PITPNM3: variants seen among roughly 807,000 people sequenced by gnomAD.
PITPNM3 encodes PITPNM family member 3.
In PITPNM3, 26 loss-of-function variants were observed where a neutral mutation model predicts 102.0. That is an observed-to-expected ratio of 0.25 (90% CI 0.19 to 0.35). PITPNM3 has a LOEUF of 0.35. PITPNM3 is among the 10% of genes least tolerant of loss of function. The pLI, the probability that PITPNM3 is intolerant of heterozygous loss-of-function variation, is 1.00. For missense variants in PITPNM3, 1,083 were observed against 1,346.1 expected (o/e 0.80, Z 3.06); for synonymous variants, 578 against 558.6 (o/e 1.03, Z -0.49).
Position 6,481,832 on chromosome 17 carries a change from T to C in PITPNM3, c.587+1685A>G, listed in dbSNP as rs546784056. 3 of 132,802 alleles carry C rather than the reference T, an allele frequency of 2.3e-5. No individual in the cohort carries two copies. In the East Asian group the frequency reaches 6.9e-4, roughly 30 times the overall value. The allele number at this position is 132,802 out of a possible 1,614,324, so 8.2% of individuals were successfully genotyped here. On this transcript the variant is annotated intron_variant, in intron 6 of 19. Transcript: ENST00000262483. ...ATGGACGGATGGATGGATGAATAGA[T>C]AGATAAACAGAATAGAATGATAGAG...
chr17:6,487,214 T>A (rs1906149110), intron 4 of PITPNM3, among the ~76,000 whole-genome samples: 1 of 152,122 alleles, frequency 6.6e-6, no homozygotes, highest in Non-Finnish European at 1.5e-5. Flanking sequence ...TGAGTTCACA[T>A]CTTGGCTCTT....
rs145184461 is a variant in PITPNM3 at position 6,517,853 on chromosome 17, C to A, written c.226+7503G>T. On this transcript the variant is annotated intron_variant, in intron 3 of 19. Coordinates refer to ENST00000262483, the MANE Select transcript of PITPNM3 (RefSeq NM_031220.4). This position sits in a 1 kb window ranked among gnomAD's most constrained non-coding sequence, Gnocchi z 4.1. The stretch of plus-strand genomic sequence containing the variant: ...GGGATTACAGGCATGAGCCACTGTA[C>A]CTGGCCAAAAATACCAGTTTTCAAA... Among the ~76,000 whole-genome samples, 1 of 152,076 alleles carries A rather than the reference C, an allele frequency of 6.6e-6. No individual in the cohort carries two copies. The highest frequency in any genetic ancestry group is 6.5e-5 in the Admixed American group (1 of 15,280).
rs549638753 is a variant in PITPNM3 at position 6,473,775 on chromosome 17, G to A, written c.1258+657C>T. On this transcript the variant is annotated intron_variant, in intron 10 of 19. Coordinates refer to ENST00000262483, the MANE Select transcript of PITPNM3 (RefSeq NM_031220.4). ...GTGGATCACTTGAGGTCAGGAGTTC[G>A]AGACCAGCCTGGCCAACATGGTGAA... Among the ~76,000 whole-genome samples, 26 of 152,158 alleles carry A rather than the reference G, an allele frequency of 1.7e-4. No individual in the cohort carries two copies. The South Asian group carries it at 4.4e-3, about 25-fold the overall frequency.
At chr17:6,538,113 C>G (rs779183143) in intron 1 of PITPNM3, 31 bp from the exon 2 acceptor site, 3 of 1,525,258 alleles carry the variant, frequency 2.0e-6, no homozygotes, top group Non-Finnish European at 2.7e-6. Flanking sequence ...GTTAACCAAG[C>G]CTGAGATGTT....
rs531134490 is a variant in PITPNM3, at chr17:6,540,250, G to A, written c.23-2168C>T. On this transcript the variant is annotated intron_variant, in intron 1 of 19. Coordinates refer to ENST00000262483, the MANE Select transcript of PITPNM3 (RefSeq NM_031220.4). ...GTGTTGGGAACTGGGAACACTGTGG[G>A]GAATGGACAGGATTGGGTGCTCGCA... 1.1e-3 allele frequency among the ~76,000 whole-genome samples: 163 copies of A among 152,330 alleles called. 1 individual carries two copies. The highest frequency in any genetic ancestry group is 3.7e-3 in the African/African-American group (152 of 41,562).
chr17:6,503,282 G>T (rs1907292090), intron 4 of PITPNM3, among the ~76,000 whole-genome samples: 1 of 152,148 alleles, frequency 6.6e-6, no homozygotes, highest in Non-Finnish European at 1.5e-5. Context: ...CAGAGAGGGG[G>T]ACATGAGCTG....
In PITPNM3 at chr17:6,474,468, G is replaced by C. The variant is rs552192949; in HGVS notation, c.1222C>G (p.Leu408Val). The change falls in exon 10 of 20, where the codon CTG becomes GTG. Residue 408 changes from leucine (L) to valine (V), a missense_variant. Leu to Val is a conservative substitution (Grantham distance 32, BLOSUM62 1). Around this residue, in one of 5 missense-constraint regions of PITPNM3, gnomAD observed 410 missense variants for 638.4 expected, o/e 0.64. Transcript: ENST00000262483. ...GGCAGCACCGTCCTCCGCATGGCCA[G>C]GACCAGGCCCAGTGGCGAGCCGAAG... Reference protein sequence around the residue: ...FLFGSPLGLVLAMRRTVLPGL... With the variant: ...FLFGSPLGLVVAMRRTVLPGL... 6.2e-7 allele frequency: 1 copy of C among 1,613,608 alleles called. No individual in the cohort carries two copies. The highest frequency in any genetic ancestry group is 2.2e-5 in the East Asian group (1 of 44,886).
At chr17:6,520,705 C>T (rs1908457693) in intron 3 of PITPNM3, among the ~76,000 whole-genome samples, 1 of 152,208 alleles carries the variant, frequency 6.6e-6, no homozygotes, top group Admixed American at 6.5e-5. Flanking sequence ...CAGCATTATT[C>T]ATGGTAGCTA....
In PITPNM3 at chr17:6,556,469, G is replaced by A; in HGVS notation, c.-63C>T. ...CCTCGCGCTTCCCGGGCCCGGCCCCGACCGCCTCCGGCCCCGAACGGACTC... is the reference window on the plus strand; with the variant it reads ...CCTCGCGCTTCCCGGGCCCGGCCCCAACCGCCTCCGGCCCCGAACGGACTC... On this transcript the variant is annotated 5_prime_UTR_variant, in exon 1 of 20. Transcript: ENST00000262483. This position sits in a 1 kb window ranked among gnomAD's most constrained non-coding sequence, Gnocchi z 5.2. 9.1e-7 allele frequency: 1 copy of A among 1,104,432 alleles called. No homozygotes were observed. Among genetic ancestry groups the A allele is most frequent in the African/African-American group, 1.7e-5 (1 of 59,138 alleles). The allele number at this position is 1,104,432 out of a possible 1,614,324, so 68.4% of individuals were successfully genotyped here. A position where few individuals can be genotyped will look rare whatever the true frequency, so the allele number is the denominator to read the frequency against.
intron 4 of PITPNM3, among the ~76,000 whole-genome samples, chr17:6,490,636 A>G (rs1487401476): frequency 6.6e-6 from 1 of 151,986 alleles, no homozygotes; most frequent in Non-Finnish European, 1.5e-5. Flanking sequence ...AAATTAATAA[A>G]CAAACGCTTT....
rs538014805 is a variant in PITPNM3 at position 6,464,753 on chromosome 17, G to A, written c.1909C>T (p.Arg637Trp). 4 of 1,614,160 alleles carry A rather than the reference G, an allele frequency of 2.5e-6. No individual in the cohort carries two copies. The highest frequency in any genetic ancestry group is 1.7e-5 in the Admixed American group (1 of 60,026). ...TCAGCAGCAATCACATCATTGGCCC[G>A]GTGATTAGCCGTGACATTCTGGAAG... ...VKLRNVTANH[R>W]ANDVIAAEDG... The change falls in exon 15 of 20, where the codon CGG becomes TGG. Residue 637 changes from arginine (R) to tryptophan (W), a missense_variant. Physicochemically the swap from Arg to Trp is moderately radical, Grantham distance 101. Transcript: ENST00000262483.
chr17:6,527,459 C>T (rs1908898552), intron 2 of PITPNM3, among the ~76,000 whole-genome samples: 1 of 152,144 alleles, frequency 6.6e-6, no homozygotes, highest in Non-Finnish European at 1.5e-5. Context: ...GCTGAGATGC[C>T]ATTGCATGAT....
chr17:6,544,654 T>TCTCTCTCTCA (rs376230474), intron 1 of PITPNM3, among the ~76,000 whole-genome samples: 7,928 of 130,010 alleles, frequency 0.061, 263 homozygotes, highest in Non-Finnish European at 0.081. Flanking sequence ...TCTCTCTCTC[T>TCTCTCTCTCA]CACACACACA....
At chr17:6,507,616 G>A (rs1317583595) in intron 3 of PITPNM3, among the ~76,000 whole-genome samples, 1 of 151,718 alleles carries the variant, frequency 6.6e-6, no homozygotes, top group Non-Finnish European at 1.5e-5. Flanking sequence ...ACACAGACTT[G>A]AAGATAACAC....
In PITPNM3 at chr17:6,478,041, G is replaced by A. The variant is rs778813189; in HGVS notation, c.834C>T (p.Tyr278=). 13 of 1,613,612 alleles carry A rather than the reference G, an allele frequency of 8.1e-6. No homozygotes were observed. The South Asian group carries it at 1.3e-4, about 16-fold the overall frequency. The part of the protein sequence containing the change: ...GGLLAFDAIC[Y]SAGPSGDSPA... ...GGCTGTCCCCTGAGGGCCCCGCACT[G>A]TAGCAGATGGCATCGAAGGCCAGGA... is the stretch of plus-strand genomic sequence containing the variant. Residue 278 remains tyrosine, a synonymous_variant, in exon 8 of 20, where the codon TAC becomes TAT. Transcript: ENST00000262483. This position sits in a 1 kb window ranked among gnomAD's most constrained non-coding sequence, Gnocchi z 4.4.
At chr17:6,551,361 C>CAA (rs111999207) in intron 1 of PITPNM3, among the ~76,000 whole-genome samples, 3 of 137,862 alleles carry the variant, frequency 2.2e-5, no homozygotes, top group Non-Finnish European at 4.7e-5. Context: ...GACTCCATCT[C>CAA]AAAAAAAAAA....
intron 3 of PITPNM3, among the ~76,000 whole-genome samples, chr17:6,519,752 C>T (rs1908404760): frequency 6.6e-6 from 1 of 151,924 alleles, no homozygotes; most frequent in South Asian, 2.1e-4. Context: ...ATCACTTGAA[C>T]CCAGGAGGCA....
intron 1 of PITPNM3, among the ~76,000 whole-genome samples, chr17:6,551,139 C>T (rs756985407): frequency 1.3e-5 from 2 of 151,898 alleles, no homozygotes; most frequent in African/African-American, 4.8e-5. Flanking sequence ...AGGCGGATCA[C>T]GAGGTCAGGA....
At chr17:6,545,364 CCTT>C (rs1278580178) in intron 1 of PITPNM3, among the ~76,000 whole-genome samples, 9 of 152,184 alleles carry the variant, frequency 5.9e-5, no homozygotes, top group Admixed American at 3.9e-4. Context: ...AGACCCCTCT[CCTT>C]CTTCTCGGGC....
Sources: allele counts gnomAD v4.1 joint callset (sites outside exome capture counted in the v4.1 genomes callset), GRCh38; gene constraint gnomAD v4.1.1; regional missense constraint gnomAD v4.1.1; non-coding constraint Gnocchi (gnomAD v3.1); transcripts MANE v1.5; gene names NCBI Gene and HGNC (gene_info 2026-07-23, HGNC 2026-07-21).